Variants in KIF26B observed in about 807,000 individuals in gnomAD.
KIF26B encodes the protein kinesin-like protein KIF26B.
A neutral mutation model predicts 151.2 loss-of-function variants in KIF26B; 63 were observed. The ratio of observed to expected loss-of-function variants is 0.42; its 90% CI spans 0.34 to 0.51. The LOEUF (loss-of-function observed/expected upper bound fraction) is 0.51, where lower values mean the gene tolerates loss of function less well. Among genes scored for constraint, KIF26B ranks in the 20% least tolerant of loss-of-function variants. The pLI is 0.07. For synonymous variants in KIF26B, 1,357 were observed against 1,262.1 expected, an observed-to-expected ratio of 1.08 and a Z score of -1.59; for missense variants, 2,813 against 2,913.6, an observed-to-expected ratio of 0.97 and a Z score of 0.79.
At chr1:245,362,449 A>T (rs778870013) in intron 2 of KIF26B, among the ~76,000 whole-genome samples, 32 of 151,598 alleles carry the variant, frequency 2.1e-4, no homozygotes, top group Non-Finnish European at 3.7e-4. Flanking sequence ...GAGGCAGGAG[A>T]ATCACTTGAA....
chr1:245,303,254 A>G (rs1205794599), intron 2 of KIF26B, among the ~76,000 whole-genome samples: 7 of 134,224 alleles, frequency 5.2e-5, no homozygotes, highest in African/African-American at 8.7e-5. Flanking sequence ...GCCGGAGTGC[A>G]GTGGCGCGAT....
rs564418127 is a variant in KIF26B, at chr1:245,564,748, C to T, written c.1350+23798C>T. On this transcript the variant is annotated intron_variant, in intron 5 of 14. Transcript: ENST00000407071. The surrounding 1 kb of genome is among the most constrained non-coding windows in gnomAD (Gnocchi z 4.6). ...GGTTTCACGGAAGACAGTTTTCCCA[C>T]GGACCAAGGGTGGTGGTGGGGGATG... 4.6e-5 allele frequency among the ~76,000 whole-genome samples: 7 copies of T among 152,264 alleles called. No individual in the cohort carries two copies. The highest frequency in any genetic ancestry group is 2.1e-4 in the South Asian group (1 of 4,804).
chr1:245,684,347 C>T lies in KIF26B; in HGVS notation c.2373C>T (p.Thr791=), dbSNP rs1309764607. ...AVGSYAETLS[T]IQIASRVLRM... Reference sequence around the variant, plus strand: ...GGAGCTACGCGGAGACCCTGTCCACCATCCAGATTGCATCGAGAGTCTTGA... The same window carrying T: ...GGAGCTACGCGGAGACCCTGTCCACTATCCAGATTGCATCGAGAGTCTTGA... Residue 791 remains threonine, a synonymous_variant, in exon 11 of 15, where the codon ACC becomes ACT. Coordinates refer to ENST00000407071, the MANE Select transcript of KIF26B (RefSeq NM_018012.4). 1 of 1,613,802 alleles carries T rather than the reference C, an allele frequency of 6.2e-7. No homozygotes were observed. The highest frequency in any genetic ancestry group is 1.7e-5 in the Admixed American group (1 of 60,008).
chr1:245,470,580 G>A (rs550812470), intron 4 of KIF26B, among the ~76,000 whole-genome samples: 6 of 152,104 alleles, frequency 3.9e-5, no homozygotes, highest in South Asian at 4.2e-4. Context: ...ACAGGCACCC[G>A]CCACCACGCC....
intron 4 of KIF26B, among the ~76,000 whole-genome samples, chr1:245,539,927 A>G (rs1463966812): frequency 6.6e-6 from 1 of 152,170 alleles, no homozygotes; most frequent in Non-Finnish European, 1.5e-5. Flanking sequence ...TGCTGGGATT[A>G]CAGGTGTGAG....
chr1:245,298,041 C>T (rs1671367395), intron 2 of KIF26B, among the ~76,000 whole-genome samples: 1 of 152,128 alleles, frequency 6.6e-6, no homozygotes, highest in Admixed American at 6.5e-5. Context: ...CTCCCACCAC[C>T]ACACCCAGCT....
chr1:245,171,087 T>C (rs988559480), intron 2 of KIF26B, among the ~76,000 whole-genome samples: 2 of 152,222 alleles, frequency 1.3e-5, no homozygotes, highest in Non-Finnish European at 2.9e-5. Context: ...TTTGATCTTT[T>C]GGTGAAAGTG....
intron 5 of KIF26B, among the ~76,000 whole-genome samples, chr1:245,552,248 G>A (rs983215599): frequency 2.0e-5 from 3 of 151,018 alleles, no homozygotes; most frequent in Non-Finnish European, 3.0e-5. Flanking sequence ...GGCTGGAGAC[G>A]CAGGGAAGAG....
chr1:245,223,364 G>A (rs184856200), intron 2 of KIF26B, among the ~76,000 whole-genome samples: 2 of 152,302 alleles, frequency 1.3e-5, no homozygotes, highest in East Asian at 3.9e-4. Context: ...GATGTGAAAT[G>A]TACATGCAAT....
intron 2 of KIF26B, among the ~76,000 whole-genome samples, chr1:245,348,802 C>T (rs964543588): frequency 2.0e-5 from 3 of 152,180 alleles, no homozygotes; most frequent in African/African-American, 7.2e-5. Context: ...TTCCCAGTTA[C>T]GCCAACTCGC....
intron 2 of KIF26B, among the ~76,000 whole-genome samples, chr1:245,201,445 C>A (rs1440828119): frequency 6.6e-6 from 1 of 152,182 alleles, no homozygotes; most frequent in African/African-American, 2.4e-5. Flanking sequence ...TTTTTAGATT[C>A]CTCCAATCGC....
Position 245,367,900 on chromosome 1 carries a change from ATTG to A in KIF26B, c.999+538_999+540del, listed in dbSNP as rs1260715463. On this transcript the variant is annotated intron_variant, in intron 3 of 14. Transcript: ENST00000407071. This position sits in a 1 kb window ranked among gnomAD's most constrained non-coding sequence, Gnocchi z 4.2. ...AACACCTGCCATATAGTAGGGGATCATTGTTGTGCCTGTTAACAGAGATTTTAG... is the reference window on the plus strand; with the variant it reads ...AACACCTGCCATATAGTAGGGGATCATTGTGCCTGTTAACAGAGATTTTAG... 6.6e-6 allele frequency among the ~76,000 whole-genome samples: 1 copy of A among 152,226 alleles called. No individual in the cohort carries two copies. The highest frequency in any genetic ancestry group is 6.5e-5 in the Admixed American group (1 of 15,278).
chr1:245,640,135 C>CTA (rs1206437128), intron 9 of KIF26B, among the ~76,000 whole-genome samples: 17 of 32,742 alleles, frequency 5.2e-4, no homozygotes, highest in Non-Finnish European at 8.7e-4. Context: ...CTCTCTCTCT[C>CTA]TCTCTCTCTA....
At chr1:245,359,915 C>T (rs888380646) in intron 2 of KIF26B, among the ~76,000 whole-genome samples, 9 of 150,580 alleles carry the variant, frequency 6.0e-5, no homozygotes, top group South Asian at 2.1e-4. Flanking sequence ...CTCTGTCACC[C>T]GGGCTGGAGT....
intron 2 of KIF26B, among the ~76,000 whole-genome samples, chr1:245,248,119 C>CT (rs139090362): frequency 3.8e-4 from 56 of 147,744 alleles, no homozygotes; most frequent in East Asian, 1.4e-3. Context: ...AGATGCATTG[C>CT]TTTTTTTTTT....
At chr1:245,696,907 C>T (rs912723264) in intron 12 of KIF26B, among the ~76,000 whole-genome samples, 7 of 152,126 alleles carry the variant, frequency 4.6e-5, no homozygotes, top group African/African-American at 1.2e-4. Flanking sequence ...ATCAGGCGTT[C>T]GAGACCAGTC....
At chr1:245,473,710 A>T (rs562138822) in intron 4 of KIF26B, among the ~76,000 whole-genome samples, 1 of 152,078 alleles carries the variant, frequency 6.6e-6, no homozygotes, top group East Asian at 1.9e-4. Flanking sequence ...TTTTACAACA[A>T]ATAGGATTAT....
rs1339763080 is a variant in KIF26B, at chr1:245,698,149, C to T, written c.5868C>T (p.Thr1956=). 6.2e-7 allele frequency: 1 copy of T among 1,613,922 alleles called. No homozygotes were observed. Among genetic ancestry groups the T allele is most frequent in the East Asian group, 2.2e-5 (1 of 44,888 alleles). The change falls in exon 13 of 15, where the codon ACC becomes ACT. Residue 1956 remains threonine, a synonymous_variant. Coordinates refer to ENST00000407071, the MANE Select transcript of KIF26B (RefSeq NM_018012.4). This position sits in a 1 kb window ranked among gnomAD's most constrained non-coding sequence, Gnocchi z 4.0. ...TTATCCCAGCACTATCCCTGGACACCTCTTCCCCTGTGAGAAAACCCCCCA... is the reference window on the plus strand; with the variant it reads ...TTATCCCAGCACTATCCCTGGACACTTCTTCCCCTGTGAGAAAACCCCCCA... ...RRLIPALSLD[T]SSPVRKPPNS... is the part of the protein sequence containing the mutation.
chr1:245,401,325 G>A (rs998892692), intron 3 of KIF26B, among the ~76,000 whole-genome samples: 1 of 152,176 alleles, frequency 6.6e-6, no homozygotes, highest in Non-Finnish European at 1.5e-5. Flanking sequence ...ATAAGCATCT[G>A]TGTTCACAGT....
Sources: allele counts gnomAD v4.1 joint callset (sites outside exome capture counted in the v4.1 genomes callset), GRCh38; gene constraint gnomAD v4.1.1; non-coding constraint Gnocchi (gnomAD v3.1); transcripts MANE v1.5; gene names NCBI Gene and HGNC (gene_info 2026-07-23, HGNC 2026-07-21).